SLMAP: variants seen among roughly 807,000 people sequenced by gnomAD.
SLMAP encodes the protein sarcolemmal membrane-associated protein.
In SLMAP, 44 loss-of-function variants were observed where a neutral mutation model predicts 128.8. The observed-to-expected ratio is 0.34, with a 90% CI of 0.27 to 0.44. SLMAP has a LOEUF of 0.44. SLMAP is among the 20% of genes least tolerant of loss of function. The pLI is 1.00. For missense variants in SLMAP, 787 were observed against 985.3 expected (o/e 0.80, Z 2.69); for synonymous variants, 327 against 348.8 (o/e 0.94, Z 0.70).
chr3:57,858,883 A>C (rs917587701), intron 8 of SLMAP, among the ~76,000 whole-genome samples: 9 of 152,208 alleles, frequency 5.9e-5, no homozygotes, highest in African/African-American at 2.2e-4. Context: ...CAGAGGTTGC[A>C]GTGAGCCAAG....
chr3:57,842,337 CT>C (rs896967139), intron 4 of SLMAP, among the ~76,000 whole-genome samples: 2 of 151,772 alleles, frequency 1.3e-5, no homozygotes, highest in African/African-American at 2.4e-5. Context: ...CATTTTAATT[CT>C]TTTTTTCCTT....
intron 15 of SLMAP, 71 bp downstream of exon 15, chr3:57,890,171 G>A (rs1176138010): frequency 6.6e-5 from 98 of 1,475,456 alleles, no homozygotes; most frequent in Non-Finnish European, 1.1e-5. Flanking sequence ...TATTTTCAAG[G>A]TTATAGTATT....
chr3:57,854,435 A>C (rs1560257637), intron 6 of SLMAP, among the ~76,000 whole-genome samples: 4 of 151,992 alleles, frequency 2.6e-5, no homozygotes. Flanking sequence ...TCATCTCCAC[A>C]AAAAATACAA....
chr3:57,896,629 T>C, intron 16 of SLMAP, 38 bp downstream of exon 16: 7 of 1,491,758 alleles, frequency 4.7e-6, no homozygotes, highest in Middle Eastern at 3.5e-4. Context: ...CTGCAGCTGT[T>C]AATGGCAGTT....
intron 2 of SLMAP, among the ~76,000 whole-genome samples, chr3:57,799,292 G>T (rs2087581906): frequency 6.6e-6 from 1 of 152,214 alleles, no homozygotes; most frequent in Admixed American, 6.5e-5. Flanking sequence ...CTTCTGGCTT[G>T]ACAGTTAGGT....
intron 14 of SLMAP, among the ~76,000 whole-genome samples, chr3:57,876,929 AATTTTCCTG>A (rs1226184695): frequency 3.3e-5 from 5 of 152,212 alleles, no homozygotes; most frequent in African/African-American, 9.6e-5. Flanking sequence ...ATGCCAGAGA[AATTTTCCTG>A]AGGTCTACTT....
chr3:57,765,136 G>T (rs1265014101), intron 2 of SLMAP, among the ~76,000 whole-genome samples: 1 of 152,212 alleles, frequency 6.6e-6, no homozygotes. Flanking sequence ...AAGATTGCTT[G>T]AGGCCAGGAG....
intron 14 of SLMAP, among the ~76,000 whole-genome samples, chr3:57,874,836 G>A (rs986309774): frequency 2.0e-5 from 3 of 149,644 alleles, no homozygotes. Context: ...TCCAGTCTGG[G>A]CAACAAGAGC....
intron 3 of SLMAP, among the ~76,000 whole-genome samples, chr3:57,834,493 A>T (rs2093522719): frequency 6.6e-6 from 1 of 152,164 alleles, no homozygotes. Flanking sequence ...GAAAAGAAAA[A>T]ATTAGAGTAA....
chr3:57,889,027 GGCAC>G (rs2095988846), intron 14 of SLMAP, among the ~76,000 whole-genome samples: 1 of 151,996 alleles, frequency 6.6e-6, no homozygotes. Flanking sequence ...TGGGACTACA[GGCAC>G]CCGCCACCAT....
chr3:57,792,309 G>A (rs1253998102), intron 2 of SLMAP, among the ~76,000 whole-genome samples: 1 of 151,800 alleles, frequency 6.6e-6, no homozygotes, highest in Non-Finnish European at 1.5e-5. Context: ...AACAGTCATT[G>A]TTAGAAATCA....
chr3:57,836,864 A>T (rs768012707), intron 3 of SLMAP, among the ~76,000 whole-genome samples: 19 of 152,240 alleles, frequency 1.2e-4, no homozygotes, highest in Non-Finnish European at 2.5e-4. Flanking sequence ...AACTGCTTAA[A>T]GAGTGAGTTT....
chr3:57,842,611 G>A (rs886374566), intron 4 of SLMAP, among the ~76,000 whole-genome samples: 23 of 152,010 alleles, frequency 1.5e-4, no homozygotes. Context: ...GAACAGTTAC[G>A]TAAGGAATCA....
rs531482155 is a variant in SLMAP at position 57,781,769 on chromosome 3, G to C, written c.198+23920G>C. On this transcript the variant is annotated intron_variant, in intron 2 of 24. Transcript: ENST00000671191. ...TTTTTTTGAGATGGAGTTTCACTCTGTTGTCCAGGCTGGAGTGCAGTGGCG... is the reference window on the plus strand; with the variant it reads ...TTTTTTTGAGATGGAGTTTCACTCTCTTGTCCAGGCTGGAGTGCAGTGGCG... Among the ~76,000 whole-genome samples the C allele has an allele frequency of 4.6e-5, 5 of 109,066 alleles. No homozygotes were observed. In the South Asian group the frequency reaches 1.4e-3, roughly 30 times the overall value. The allele number at this position is 109,066 out of a possible 152,430, so 71.6% of individuals were successfully genotyped here.
At position 57,862,041 on chromosome 3, in the gene SLMAP, T is replaced by C. The variant is rs900090141; in HGVS notation, c.921T>C (p.Tyr307=). 6.3e-7 allele frequency: 1 copy of C among 1,594,930 alleles called. No individual in the cohort carries two copies. The change falls in exon 10 of 25, where the codon TAT becomes TAC. Residue 307 remains tyrosine (Y), a synonymous_variant. Coordinates refer to ENST00000671191, the MANE Select transcript of SLMAP (RefSeq NM_001377540.1). ...QEELRELANK[Y]NGAVNEIKDL... is the part of the protein sequence containing the mutation. Reference sequence around the variant, plus strand: ...AATTAAGAGAATTAGCCAACAAATATAATGGAGCAGTTAATGAGATTAAAG... The same window carrying C: ...AATTAAGAGAATTAGCCAACAAATACAATGGAGCAGTTAATGAGATTAAAG...
chr3:57,877,618 G>A (rs1235226752), intron 14 of SLMAP, among the ~76,000 whole-genome samples: 1 of 151,870 alleles, frequency 6.6e-6, no homozygotes, highest in Non-Finnish European at 1.5e-5. Context: ...AGAGTTGTTT[G>A]TACTGATCAT....
chr3:57,821,926 C>CCTCCTG (rs2092556674), intron 2 of SLMAP, among the ~76,000 whole-genome samples: 1 of 151,744 alleles, frequency 6.6e-6, no homozygotes, highest in South Asian at 2.1e-4. Flanking sequence ...TCCTCCTCCT[C>CCTCCTG]CTCCTCCTCC....
intron 17 of SLMAP, among the ~76,000 whole-genome samples, chr3:57,904,429 A>G (rs2096476003): frequency 6.6e-6 from 1 of 152,220 alleles, no homozygotes; most frequent in Non-Finnish European, 1.5e-5. Flanking sequence ...TCTTGAAACA[A>G]AAGAAAACAA....
chr3:57,896,524 A>G lies in SLMAP; in HGVS notation c.1374A>G (p.Arg458=), dbSNP rs2096248106. ...TTTTCTTGGTAGAAAATCAGACAAGAGCAAAAGAATCTGATTTTTCAGATA... is the reference window on the plus strand; with the variant it reads ...TTTTCTTGGTAGAAAATCAGACAAGGGCAAAAGAATCTGATTTTTCAGATA... The part of the protein sequence containing the change: ...ETKLSKENQT[R]AKESDFSDTL... Residue 458 remains arginine, a synonymous_variant, in exon 16 of 25, where the codon AGA becomes AGG. Coordinates refer to ENST00000671191, the MANE Select transcript of SLMAP (RefSeq NM_001377540.1). 6.2e-7 allele frequency: 1 copy of G among 1,607,210 alleles called. No homozygotes were observed. The highest frequency in any genetic ancestry group is 1.3e-5 in the African/African-American group (1 of 74,486).
Sources: gnomAD v4.1 joint callset for allele counts (sites outside exome capture counted in the v4.1 genomes callset) on GRCh38, gnomAD v4.1.1 for gene constraint, MANE v1.5 for transcripts, NCBI Gene and HGNC (gene_info 2026-07-23, HGNC 2026-07-21) for gene names.